The following TSPEAR variants were observed in gnomAD, a reference collection of about 807,000 sequenced individuals.
TSPEAR encodes thrombospondin type laminin G domain and EAR repeats.
In TSPEAR, 69 loss-of-function variants were observed where a neutral mutation model predicts 71.6. The observed-to-expected ratio is 0.96, with a 90% CI of 0.79 to 1.18. The LOEUF is 1.18. Among genes scored for constraint, TSPEAR ranks in the 50% most tolerant of loss-of-function variants. The pLI, the probability that TSPEAR is intolerant of heterozygous loss-of-function variation, is 0.00. For synonymous variants in TSPEAR, 402 were observed against 387.2 expected (o/e 1.04, Z -0.45); for missense variants, 971 against 894.9 (o/e 1.09, Z -1.09).
intron 2 of TSPEAR, among the ~76,000 whole-genome samples, chr21:44,547,497 G>C (rs2053320098): frequency 6.6e-6 from 1 of 152,006 alleles, no homozygotes; most frequent in Non-Finnish European, 1.5e-5. Flanking sequence ...GATATTTCTG[G>C]GTATCAGGTT....
intron 1 of TSPEAR, among the ~76,000 whole-genome samples, chr21:44,699,427 G>A (rs950513681): frequency 3.4e-5 from 5 of 146,566 alleles, no homozygotes; most frequent in Admixed American, 6.8e-5. Context: ...GGGTGCAGCC[G>A]AAGGCCCCTC....
intron 1 of TSPEAR, among the ~76,000 whole-genome samples, chr21:44,610,684 A>C (rs970739284): frequency 6.6e-6 from 1 of 152,178 alleles, no homozygotes; most frequent in Non-Finnish European, 1.5e-5. Context: ...TCCAGACCCC[A>C]GAATGGTAGA....
intron 1 of TSPEAR, among the ~76,000 whole-genome samples, chr21:44,621,450 G>C (rs782641210): frequency 6.6e-6 from 1 of 152,146 alleles, no homozygotes; most frequent in Non-Finnish European, 1.5e-5. Flanking sequence ...AGCCCCCGCC[G>C]ATCAGTCTGC....
At chr21:44,689,679 A>C in intron 1 of TSPEAR, among the ~76,000 whole-genome samples, 1 of 135,752 alleles carries the variant, frequency 7.4e-6, no homozygotes, top group Non-Finnish European at 1.6e-5. Context: ...AGGTGAGTGT[A>C]TTAGGGTTCC....
At chr21:44,651,267 CCCCACACAGCCCCAGACAGCTCACGG>C (rs1984773693) in intron 1 of TSPEAR, among the ~76,000 whole-genome samples, 1 of 152,134 alleles carries the variant, frequency 6.6e-6, no homozygotes, top group Non-Finnish European at 1.5e-5. Context: ...TCCTTGCCTC[CCCCACACAGCCCCAGACAGCTCACGG>C]CTGTGGCTGG....
intron 1 of TSPEAR, chr21:44,580,534 G>C: frequency 6.2e-7 from 1 of 1,613,746 alleles, no homozygotes; most frequent in African/African-American, 1.3e-5. Context: ...CTCGCCAGGA[G>C]TCAGAGCAAG....
chr21:44,707,764 G>A (rs1308032520), intron 1 of TSPEAR, among the ~76,000 whole-genome samples: 2 of 152,044 alleles, frequency 1.3e-5, no homozygotes, highest in African/African-American at 2.4e-5. Flanking sequence ...TGGGTGAGGC[G>A]GCTAAGCCTC....
chr21:44,623,000 C>T (rs1176512184), intron 1 of TSPEAR, among the ~76,000 whole-genome samples: 1 of 152,122 alleles, frequency 6.6e-6, no homozygotes, highest in East Asian at 1.9e-4. Context: ...TACTCTTTTG[C>T]CATGTGACAT....
chr21:44,511,457 T>C (rs1206037453), intron 9 of TSPEAR, among the ~76,000 whole-genome samples: 5 of 152,238 alleles, frequency 3.3e-5, no homozygotes, highest in African/African-American at 1.2e-4. Flanking sequence ...GGCCTGCTCA[T>C]GTATACATAC....
At chr21:44,578,990 C>T (rs1393847894) in intron 1 of TSPEAR, among the ~76,000 whole-genome samples, 1 of 152,196 alleles carries the variant, frequency 6.6e-6, no homozygotes, top group African/African-American at 2.4e-5. Context: ...ATGCTTTCGT[C>T]CTGATCGAGT....
intron 1 of TSPEAR, among the ~76,000 whole-genome samples, chr21:44,636,245 G>T (rs1284835877): frequency 6.6e-6 from 1 of 152,226 alleles, no homozygotes; most frequent in Non-Finnish European, 1.5e-5. Context: ...GGGTTTCCAG[G>T]GGACATACGT....
At chr21:44,563,933 A>G (rs2053671918) in intron 2 of TSPEAR, among the ~76,000 whole-genome samples, 1 of 152,194 alleles carries the variant, frequency 6.6e-6, no homozygotes, top group South Asian at 2.1e-4. Flanking sequence ...AAGGCACATC[A>G]CAGCCTTTTT....
chr21:44,703,228 C>A (rs1181772141), intron 1 of TSPEAR, among the ~76,000 whole-genome samples: 1 of 152,246 alleles, frequency 6.6e-6, no homozygotes, highest in Non-Finnish European at 1.5e-5. Context: ...CTGGCTTCGG[C>A]AACCCTAGAG....
At position 44,647,196 on chromosome 21, in the gene TSPEAR, G is replaced by T. The variant is rs587716089; in HGVS notation, c.82+64237C>A. On this transcript the variant is annotated intron_variant, in intron 1 of 11. Transcript: ENST00000323084. The stretch of plus-strand genomic sequence containing the variant: ...CCCTCCTCTGCCACCCCGTGTGCAG[G>T]TCCACCTGCTGTGTGCCCGTCTCCT... The T allele has an allele frequency of 2.7e-5, 44 of 1,613,718 alleles. No individual in the cohort carries two copies. In the East Asian group the frequency reaches 9.1e-4, roughly 34 times the overall value.
intron 1 of TSPEAR, among the ~76,000 whole-genome samples, chr21:44,661,072 G>A (rs1006771285): frequency 6.6e-6 from 1 of 152,140 alleles, no homozygotes; most frequent in Non-Finnish European, 1.5e-5. Context: ...CAAGCAGATC[G>A]AGACCATCCT....
In TSPEAR at chr21:44,702,719, C is replaced by T; in HGVS notation, c.82+8714G>A. The T allele has an allele frequency of 3.4e-6, 5 of 1,463,888 alleles. No individual in the cohort carries two copies. In the East Asian group the frequency reaches 9.1e-5, roughly 27 times the overall value. The allele number at this position is 1,463,888 out of a possible 1,614,324, so 90.7% of individuals were successfully genotyped here. A position where few individuals can be genotyped will look rare whatever the true frequency, so the allele number is the denominator to read the frequency against. ...CAGCCCAGCTGCTGCCACCCAGCCT[C>T]CTGCGTGTCCCTCCTCTGCCGCCGT... On this transcript the variant is annotated intron_variant, in intron 1 of 11. Transcript: ENST00000323084.
chr21:44,616,163 G>A (rs976525817), intron 1 of TSPEAR, among the ~76,000 whole-genome samples: 3 of 152,312 alleles, frequency 2.0e-5, no homozygotes, highest in African/African-American at 2.4e-5. Flanking sequence ...CTCTCAGCCC[G>A]AGGCCACATC....
intron 1 of TSPEAR, among the ~76,000 whole-genome samples, chr21:44,681,425 T>C (rs1216417163): frequency 6.6e-6 from 1 of 152,200 alleles, no homozygotes; most frequent in Non-Finnish European, 1.5e-5. Context: ...CACATGGGCA[T>C]CTGCAGCCGC....
chr21:44,533,538 G>A, intron 3 of TSPEAR, 147 bp downstream of exon 3: 1 of 691,766 alleles, frequency 1.4e-6, no homozygotes, highest in Non-Finnish European at 2.4e-6. Context: ...GATGGCTCCT[G>A]CCCCTCCACC....
Sources: allele counts gnomAD v4.1 joint callset (sites outside exome capture counted in the v4.1 genomes callset), GRCh38; gene constraint gnomAD v4.1.1; transcripts MANE v1.5; gene names NCBI Gene and HGNC (gene_info 2026-07-23, HGNC 2026-07-21).